The following SLC44A5 variants were observed in gnomAD, a reference collection of about 807,000 sequenced individuals.
The protein encoded by SLC44A5 is solute carrier family 44 member 5.
Under a neutral mutation model 101.8 loss-of-function variants are expected in SLC44A5, and 57 were observed. The observed-to-expected ratio is 0.56, with a 90% CI of 0.45 to 0.70. The LOEUF (loss-of-function observed/expected upper bound fraction) is 0.70. Among genes scored for constraint, SLC44A5 ranks in the 30% least tolerant of loss-of-function variants. The pLI is 0.00. For synonymous variants in SLC44A5, 281 were observed against 290.9 expected (o/e 0.97, Z 0.35); for missense variants, 737 against 853.1 (o/e 0.86, Z 1.70).
intron 5 of SLC44A5, among the ~76,000 whole-genome samples, chr1:75,298,692 TCTTTGTGAAGTTC>T (rs895277820): frequency 2.0e-5 from 3 of 152,136 alleles, no homozygotes; most frequent in African/African-American, 7.2e-5. Flanking sequence ...CAGGATGAGA[TCTTTGTGAAGTTC>T]CTGTGTGCAG....
rs917445385 is a variant in SLC44A5, at chr1:75,582,445, G to A, written c.-70+28595C>T. The A allele has an allele frequency of 3.7e-5, 24 of 651,784 alleles. No homozygotes were observed. In the African/African-American group the frequency reaches 4.1e-4, roughly 11 times the overall value. 40.4% of individuals were successfully genotyped at this position (651,784 alleles called of 1,614,324 possible). A position where few individuals can be genotyped will look rare whatever the true frequency, so the allele number is the denominator to read the frequency against. ...ATGCCCACATTGCCAAAGGGCTCAG[G>A]CTGTGTGGGCCAAAGGCCAAGACCA... On this transcript the variant is annotated intron_variant, in intron 1 of 23. Coordinates refer to ENST00000370859, the MANE Select transcript of SLC44A5 (RefSeq NM_001130058.2).
Position 75,448,218 on chromosome 1 carries a change from C to G in SLC44A5, c.14-51597G>C, listed in dbSNP as rs181138384. Among the ~76,000 whole-genome samples the G allele has an allele frequency of 4.4e-3, 667 of 152,232 alleles. 6 individuals carry two copies. The highest frequency in any genetic ancestry group is 0.015 in the African/African-American group (643 of 41,544). On this transcript the variant is annotated intron_variant, in intron 2 of 23. Coordinates refer to ENST00000370859, the MANE Select transcript of SLC44A5 (RefSeq NM_001130058.2). ...GAGTAGAACAAAGGCAGTGGGGAGGCTCTGCTCCACAAGACTATTCAAGAA... is the reference window on the plus strand; with the variant it reads ...GAGTAGAACAAAGGCAGTGGGGAGGGTCTGCTCCACAAGACTATTCAAGAA...
chr1:75,306,223 A>G (rs1412918061), intron 4 of SLC44A5, among the ~76,000 whole-genome samples: 1 of 152,206 alleles, frequency 6.6e-6, no homozygotes, highest in Non-Finnish European at 1.5e-5. Flanking sequence ...TGCAAAACCT[A>G]AAATATTTAC....
chr1:75,294,715 C>T (rs1237981474), intron 5 of SLC44A5, among the ~76,000 whole-genome samples: 19 of 152,026 alleles, frequency 1.2e-4, no homozygotes, highest in Non-Finnish European at 1.5e-5. Context: ...GAAGAAAATC[C>T]TGCCAAGTTG....
At chr1:75,208,543 G>GATAA (rs1646792877) in intron 23 of SLC44A5, among the ~76,000 whole-genome samples, 1 of 152,146 alleles carries the variant, frequency 6.6e-6, no homozygotes, top group African/African-American at 2.4e-5. Flanking sequence ...CAAAAGTTAT[G>GATAA]GCCACAGTGT....
chr1:75,687,448 C>A, the SLC44A5 span, among the ~76,000 whole-genome samples: 1 of 152,022 alleles, frequency 6.6e-6, no homozygotes, highest in Non-Finnish European at 1.5e-5. Flanking sequence ...GGATTACAGG[C>A]GCCCACCAAC....
intron 1 of SLC44A5, among the ~76,000 whole-genome samples, chr1:75,592,319 T>A (rs1674398791): frequency 6.6e-6 from 1 of 151,914 alleles, no homozygotes; most frequent in South Asian, 2.1e-4. Flanking sequence ...CAAAGAAATG[T>A]AAGATCTCTA....
chr1:75,627,613 T>A, the SLC44A5 span, among the ~76,000 whole-genome samples: 2 of 151,426 alleles, frequency 1.3e-5, no homozygotes, highest in Admixed American at 1.3e-4. Context: ...AAACCAGGAG[T>A]ACGAAGCTAG....
chr1:75,569,665 G>A (rs1242975361), intron 1 of SLC44A5, among the ~76,000 whole-genome samples: 1 of 144,324 alleles, frequency 6.9e-6, no homozygotes, highest in Non-Finnish European at 1.5e-5. Context: ...AATAATACCT[G>A]GCTAACGGTA....
intron 2 of SLC44A5, among the ~76,000 whole-genome samples, chr1:75,528,980 T>C (rs1670577196): frequency 6.6e-6 from 1 of 152,182 alleles, no homozygotes; most frequent in South Asian, 2.1e-4. Context: ...ATTATTATAG[T>C]TCATTGTATT....
chr1:75,324,196 C>T (rs1176193902), intron 4 of SLC44A5, among the ~76,000 whole-genome samples: 1 of 152,104 alleles, frequency 6.6e-6, no homozygotes, highest in African/African-American at 2.4e-5. Context: ...TTTGAATTTC[C>T]TGATTAGTTG....
intron 2 of SLC44A5, among the ~76,000 whole-genome samples, chr1:75,526,328 A>C (rs1670405034): frequency 6.6e-6 from 1 of 152,198 alleles, no homozygotes; most frequent in Non-Finnish European, 1.5e-5. Context: ...AGTTAATGTC[A>C]AATTAATTAC....
chr1:75,267,050 C>T (rs1223243117), intron 6 of SLC44A5, among the ~76,000 whole-genome samples: 1 of 152,194 alleles, frequency 6.6e-6, no homozygotes, highest in Non-Finnish European at 1.5e-5. Context: ...TTGACTTTAT[C>T]TCTGAAGACC....
chr1:75,536,021 C>A (rs1570553734), intron 2 of SLC44A5, among the ~76,000 whole-genome samples: 2 of 126,114 alleles, frequency 1.6e-5, no homozygotes, highest in Non-Finnish European at 3.3e-5. Flanking sequence ...GCAGCCTGGG[C>A]AACATAGCAA....
At chr1:75,402,833 C>G (rs1662583503) in intron 2 of SLC44A5, among the ~76,000 whole-genome samples, 1 of 152,082 alleles carries the variant, frequency 6.6e-6, no homozygotes, top group South Asian at 2.1e-4. Context: ...GCCTGGAATG[C>G]CAGTGAGACA....
intron 2 of SLC44A5, among the ~76,000 whole-genome samples, chr1:75,540,270 G>A (rs115505637): frequency 6.6e-6 from 1 of 152,168 alleles, no homozygotes; most frequent in Non-Finnish European, 1.5e-5. Context: ...TTACAGATGC[G>A]CAAACAAATC....
At chr1:75,239,732 A>G (rs889604245) in intron 9 of SLC44A5, among the ~76,000 whole-genome samples, 1 of 152,022 alleles carries the variant, frequency 6.6e-6, no homozygotes, top group African/African-American at 2.4e-5. Flanking sequence ...TTATCCTCCC[A>G]GTGATCCCAA....
chr1:75,419,657 T>A (rs749294006), intron 2 of SLC44A5, among the ~76,000 whole-genome samples: 16 of 152,274 alleles, frequency 1.1e-4, no homozygotes, highest in Middle Eastern at 3.4e-3. Context: ...AAGTTGAATC[T>A]ACACAAAGGA....
the SLC44A5 span, among the ~76,000 whole-genome samples, chr1:75,640,558 T>G: frequency 2.6e-5 from 4 of 152,102 alleles, no homozygotes; most frequent in Non-Finnish European, 5.9e-5. Flanking sequence ...GGTAGTTCTT[T>G]CTGTACCTGT....
Sources: allele counts gnomAD v4.1 joint callset (sites outside exome capture counted in the v4.1 genomes callset), GRCh38; gene constraint gnomAD v4.1.1; transcripts MANE v1.5; gene names NCBI Gene and HGNC (gene_info 2026-07-23, HGNC 2026-07-21).